Variants in HPGD observed in about 807,000 individuals in gnomAD.
The protein encoded by HPGD is 15-hydroxyprostaglandin dehydrogenase [NAD(+)].
A neutral mutation model predicts 30.0 loss-of-function variants in HPGD; 29 were observed. The ratio of observed to expected loss-of-function variants is 0.97; its 90% confidence interval spans 0.72 to 1.32. The LOEUF (loss-of-function observed/expected upper bound fraction) is 1.32, where lower values mean the gene tolerates loss of function less well. Among genes scored for constraint, HPGD ranks in the 40% most tolerant of loss-of-function variants. HPGD has a pLI of 0.00. For missense variants in HPGD, 340 were observed against 322.1 expected, an observed-to-expected ratio of 1.06 and a Z score of -0.43; for synonymous variants, 99 against 112.4, an observed-to-expected ratio of 0.88 and a Z score of 0.75.
At chr4:174,501,786 GA>G (rs45591831) in intron 4 of HPGD, among the ~76,000 whole-genome samples, 4,020 of 150,820 alleles carry the variant, frequency 0.027, 77 homozygotes, top group Non-Finnish European at 0.041. Flanking sequence ...AAGTCATTCA[GA>G]AAAAAAAATG....
intron 4 of HPGD, among the ~76,000 whole-genome samples, chr4:174,497,549 C>CTTTT (rs1734656006): frequency 1.6e-5 from 1 of 64,382 alleles, no homozygotes; most frequent in Non-Finnish European, 3.8e-5. Context: ...CTTTCACTTT[C>CTTTT]TTTTCTTTCT....
At chr4:174,506,289 A>G (rs1735187641) in intron 4 of HPGD, among the ~76,000 whole-genome samples, 1 of 152,220 alleles carries the variant, frequency 6.6e-6, no homozygotes, top group Admixed American at 6.5e-5. Flanking sequence ...ATTTCACTGA[A>G]GGTTTAGTAA....
chr4:174,499,221 C>T (rs769245092), intron 4 of HPGD, among the ~76,000 whole-genome samples: 5 of 152,230 alleles, frequency 3.3e-5, no homozygotes, highest in East Asian at 1.9e-4. Flanking sequence ...TAAACTGTGC[C>T]GCTTATGTTC....
chr4:174,497,560 TTTTC>T (rs1264034726), intron 4 of HPGD, among the ~76,000 whole-genome samples: 3 of 100,914 alleles, frequency 3.0e-5, no homozygotes, highest in African/African-American at 1.0e-4. Context: ...TTTTCTTTCT[TTTTC>T]TTTCTTTTTT....
At chr4:174,521,366 T>A (rs1180750527) in intron 2 of HPGD, among the ~76,000 whole-genome samples, 1 of 152,190 alleles carries the variant, frequency 6.6e-6, no homozygotes, top group Non-Finnish European at 1.5e-5. Flanking sequence ...GATAGAGATG[T>A]TTCTACTACA....
intron 2 of HPGD, 62 bp from the exon 3 acceptor site, chr4:174,518,139 G>A: frequency 2.4e-6 from 2 of 829,798 alleles, no homozygotes; most frequent in Non-Finnish European, 4.1e-6. Context: ...TTTAAATCAT[G>A]TCCTATGCCA....
In HPGD at chr4:174,522,340, G is replaced by C. The variant is rs758330968; in HGVS notation, c.93+19C>G. The C allele has an allele frequency of 9.7e-6, 15 of 1,550,286 alleles. No individual in the cohort carries two copies. The highest frequency in any genetic ancestry group is 1.2e-5 in the Non-Finnish European group (14 of 1,145,358). On this transcript the variant is annotated intron_variant, in intron 1 of 6. Coordinates refer to ENST00000296522, the MANE Select transcript of HPGD (RefSeq NM_000860.6). The stretch of plus-strand genomic sequence containing the variant: ...AGTGTGTGGGCAGAGAAATTTCCGC[G>C]GCTGGGCGCCGGGCTTACCTTGGCG...
intron 4 of HPGD, chr4:174,507,774 C>A: frequency 4.7e-6 from 1 of 215,028 alleles, no homozygotes; most frequent in Non-Finnish European, 9.1e-6. Context: ...TCCAAAAAGT[C>A]CAGTCAGAGG....
At chr4:174,513,673 C>T (rs1735629123) in intron 3 of HPGD, among the ~76,000 whole-genome samples, 1 of 151,738 alleles carries the variant, frequency 6.6e-6, no homozygotes. Context: ...TCACAATAAA[C>T]CATCAGCAAC....
chr4:174,501,610 T>A (rs1179120178), intron 4 of HPGD, among the ~76,000 whole-genome samples: 2 of 151,578 alleles, frequency 1.3e-5, no homozygotes, highest in Non-Finnish European at 2.9e-5. Flanking sequence ...GAAAAAAAAA[T>A]CAGTAGAGGG....
chr4:174,516,465 T>C (rs868012871), intron 3 of HPGD, among the ~76,000 whole-genome samples: 26 of 152,028 alleles, frequency 1.7e-4, no homozygotes, highest in Middle Eastern at 3.4e-3. Flanking sequence ...AGGGGAACAA[T>C]AGTCCCCAAG....
chr4:174,522,598 C>T, upstream of HPGD: 1 of 550,688 alleles, frequency 1.8e-6, no homozygotes, highest in Middle Eastern at 4.9e-4. Flanking sequence ...AGCCAGCGCC[C>T]GCCGGGGAAC....
At chr4:174,510,117 G>T (rs1412334840) in intron 3 of HPGD, among the ~76,000 whole-genome samples, 1 of 152,042 alleles carries the variant, frequency 6.6e-6, no homozygotes, top group Non-Finnish European at 1.5e-5. Context: ...TGAAACGGAG[G>T]TTACACATGT....
rs1265835495 is a variant in HPGD at position 174,490,955 on chromosome 4, T to C, written c.*1001A>G. ...AACAAAAAAAGCAAAACCTCACAGC[T>C]ATTTTTATGTCTGTGTTGTTATGAG... On this transcript the variant is annotated 3_prime_UTR_variant, in exon 7 of 7. Transcript: ENST00000296522. The surrounding 1 kb of genome is among the most constrained non-coding windows in gnomAD (Gnocchi z 4.4). 6.6e-6 allele frequency: 1 copy of C among 152,308 alleles called. No homozygotes were observed. Among genetic ancestry groups the C allele is most frequent in the African/African-American group, 2.4e-5 (1 of 41,454 alleles). The allele number at this position is 152,308 out of a possible 1,614,324, so 9.4% of individuals were successfully genotyped here.
rs775932768 is a variant in HPGD, at chr4:174,491,622, A to T, written c.*334T>A. ...TAACAATTCAAGTATCTCCTTTAAA[A>T]TGATGTTCTGAAGAACATTAATATT... On this transcript the variant is annotated 3_prime_UTR_variant, in exon 7 of 7. Coordinates refer to ENST00000296522, the MANE Select transcript of HPGD (RefSeq NM_000860.6). 2.6e-5 allele frequency: 6 copies of T among 230,944 alleles called. No homozygotes were observed. Among genetic ancestry groups the T allele is most frequent in the Non-Finnish European group, 5.2e-5 (6 of 115,638 alleles). 14.3% of individuals were successfully genotyped at this position (230,944 alleles called of 1,614,324 possible).
chr4:174,509,774 C>T (rs1735382691), intron 3 of HPGD, among the ~76,000 whole-genome samples: 1 of 152,104 alleles, frequency 6.6e-6, no homozygotes, highest in Admixed American at 6.5e-5. Context: ...TGTCAGTTAG[C>T]TGGACATCTG....
intron 4 of HPGD, 127 bp downstream of exon 4, chr4:174,508,569 G>A: frequency 4.3e-6 from 3 of 692,894 alleles, no homozygotes; most frequent in South Asian, 1.6e-5. Flanking sequence ...AAATTCCATG[G>A]AACTATAAAA....
chr4:174,513,745 G>A (rs1309706743), intron 3 of HPGD, among the ~76,000 whole-genome samples: 3 of 151,800 alleles, frequency 2.0e-5, no homozygotes, highest in African/African-American at 7.2e-5. Context: ...AAAGGTAGGT[G>A]AATGTGAATC....
intron 4 of HPGD, among the ~76,000 whole-genome samples, chr4:174,502,581 G>A (rs1197470479): frequency 7.9e-5 from 12 of 151,060 alleles, no homozygotes; most frequent in Non-Finnish European, 1.5e-4. Context: ...AGGAGGCTGA[G>A]GCAGGAGAAT....
Sources: allele counts gnomAD v4.1 joint callset (sites outside exome capture counted in the v4.1 genomes callset), GRCh38; gene constraint gnomAD v4.1.1; non-coding constraint Gnocchi (gnomAD v3.1); transcripts MANE v1.5; gene names NCBI Gene and HGNC (gene_info 2026-07-23, HGNC 2026-07-21).